The following GRID1 variants were observed in gnomAD, a reference collection of about 807,000 sequenced individuals.
GRID1 encodes glutamate receptor ionotropic, delta-1.
A neutral mutation model predicts 98.0 loss-of-function variants in GRID1; 28 were observed. The ratio of observed to expected loss-of-function variants is 0.29; its 90% CI spans 0.21 to 0.39. The LOEUF (loss-of-function observed/expected upper bound fraction) is 0.39, where lower values mean the gene tolerates loss of function less well. Among genes scored for constraint, GRID1 ranks in the 10% least tolerant of loss-of-function variants. GRID1 has a pLI of 1.00. For missense variants in GRID1, 1,111 were observed against 1,340.5 expected (o/e 0.83, Z 2.67); for synonymous variants, 553 against 538.5 (o/e 1.03, Z -0.37).
chr10:85,667,760 A>G (rs976009507), intron 12 of GRID1, among the ~76,000 whole-genome samples: 16 of 151,486 alleles, frequency 1.1e-4, no homozygotes, highest in African/African-American at 3.9e-4. Flanking sequence ...TTGTGAGTGA[A>G]TGAGTGGATG....
At chr10:86,245,033 G>A (rs1226178146) in intron 2 of GRID1, among the ~76,000 whole-genome samples, 1 of 152,218 alleles carries the variant, frequency 6.6e-6, no homozygotes, top group East Asian at 1.9e-4. Flanking sequence ...TTAGACCCCT[G>A]TCGCACTGAT....
chr10:86,364,171 G>T, intron 1 of GRID1, 75 bp from the exon 2 acceptor site: 1 of 1,284,152 alleles, frequency 7.8e-7, no homozygotes. Context: ...GAGGGTCAAG[G>T]CACTCGCAGA....
intron 5 of GRID1, among the ~76,000 whole-genome samples, chr10:85,915,240 A>G (rs1056772043): frequency 1.3e-5 from 2 of 152,152 alleles, no homozygotes; most frequent in African/African-American, 2.4e-5. Context: ...ACACACATGC[A>G]CATACAACCC....
At chr10:85,741,439 G>C (rs1841942186) in intron 8 of GRID1, among the ~76,000 whole-genome samples, 1 of 152,036 alleles carries the variant, frequency 6.6e-6, no homozygotes, top group African/African-American at 2.4e-5. Context: ...AGTGGGCCAG[G>C]AGCATTGCAG....
chr10:85,988,916 A>AT (rs1403331522), intron 4 of GRID1, among the ~76,000 whole-genome samples: 1 of 152,248 alleles, frequency 6.6e-6, no homozygotes, highest in Admixed American at 6.5e-5. Flanking sequence ...TAGAAAGAGG[A>AT]GGCAGGGCAC....
chr10:85,677,655 A>G (rs1841159714), intron 12 of GRID1, among the ~76,000 whole-genome samples: 1 of 152,224 alleles, frequency 6.6e-6, no homozygotes, highest in Admixed American at 6.5e-5. Context: ...TTGTACTCTC[A>G]ATACTTTTCT....
At chr10:86,128,289 A>G (rs1844783259) in intron 4 of GRID1, among the ~76,000 whole-genome samples, 1 of 152,096 alleles carries the variant, frequency 6.6e-6, no homozygotes. Context: ...TCCCTGGGGT[A>G]GGAAACCCTC....
At chr10:86,186,186 G>A (rs1019623984) in intron 3 of GRID1, among the ~76,000 whole-genome samples, 1 of 152,106 alleles carries the variant, frequency 6.6e-6, no homozygotes, top group African/African-American at 2.4e-5. Flanking sequence ...CAGCTTAGTT[G>A]TCAAATGTGT....
intron 2 of GRID1, among the ~76,000 whole-genome samples, chr10:86,284,390 A>G (rs980560270): frequency 6.6e-6 from 1 of 152,196 alleles, no homozygotes; most frequent in African/African-American, 2.4e-5. Context: ...CCTCCTAATC[A>G]GGCTCTGATT....
chr10:85,891,615 C>A (rs1009354064), intron 5 of GRID1, among the ~76,000 whole-genome samples: 1 of 152,088 alleles, frequency 6.6e-6, no homozygotes, highest in Non-Finnish European at 1.5e-5. Flanking sequence ...GGGAAAGGAC[C>A]ATCTGAAAGG....
chr10:85,823,589 A>C (rs1842792590), intron 8 of GRID1, among the ~76,000 whole-genome samples: 1 of 152,090 alleles, frequency 6.6e-6, no homozygotes, highest in Non-Finnish European at 1.5e-5. Context: ...TTAAATACAA[A>C]CTGAGAATTG....
intron 4 of GRID1, among the ~76,000 whole-genome samples, chr10:85,937,514 G>A (rs1034524225): frequency 3.3e-5 from 5 of 152,190 alleles, no homozygotes; most frequent in African/African-American, 1.2e-4. Context: ...TCAGTCTTAT[G>A]TTCTGCTCAG....
chr10:85,664,780 AG>A (rs1841001714), intron 12 of GRID1, among the ~76,000 whole-genome samples: 1 of 152,164 alleles, frequency 6.6e-6, no homozygotes, highest in Non-Finnish European at 1.5e-5. Flanking sequence ...TGTTTTATTG[AG>A]TGATGTATGT....
At chr10:85,753,707 T>C (rs1298381345) in intron 8 of GRID1, among the ~76,000 whole-genome samples, 1 of 152,144 alleles carries the variant, frequency 6.6e-6, no homozygotes, top group African/African-American at 2.4e-5. Context: ...TCCTGATAGG[T>C]GTAGGGCAGA....
At chr10:86,296,784 CACATACAT>C (rs3061904) in intron 2 of GRID1, among the ~76,000 whole-genome samples, 79,729 of 150,540 alleles carry the variant, frequency 0.53, 23,160 homozygotes, top group Non-Finnish European at 0.64. Context: ...CATACATACA[CACATACAT>C]ACATACATAC....
intron 6 of GRID1, among the ~76,000 whole-genome samples, chr10:85,865,164 CA>C (rs1321204654): frequency 1.3e-5 from 2 of 152,058 alleles, no homozygotes; most frequent in African/African-American, 4.8e-5. Context: ...GTCAAGGAAA[CA>C]AGAATCAAAA....
chr10:85,983,244 GCTGGTTGGCCCTGGAC>G (rs1399614376), intron 4 of GRID1, among the ~76,000 whole-genome samples: 14 of 152,326 alleles, frequency 9.2e-5, no homozygotes, highest in African/African-American at 3.4e-4. Context: ...TGTCACACGT[GCTGGTTGGCCCTGGAC>G]CTGGTATAAG....
chr10:86,366,330 G>A lies in GRID1; in HGVS notation c.63C>T (p.Asp21=), dbSNP rs1848679083. The change falls in exon 1 of 16, where the codon GAC becomes GAT. Residue 21 remains aspartate (D), a synonymous_variant. Transcript: ENST00000327946. The surrounding 1 kb of genome is among the most constrained non-coding windows in gnomAD (Gnocchi z 4.1). ...CGCGCTTACCGATGTGGATGATGGA[G>A]TCGGCCCGCACCGACACGCACTGGC... The part of the protein sequence containing the change: ...WICQCVSVRA[D]SIIHIGAIFE... 6 of 1,511,750 alleles carry A rather than the reference G, an allele frequency of 4.0e-6. No homozygotes were observed. The South Asian group carries it at 7.4e-5, about 19-fold the overall frequency. The allele number at this position is 1,511,750 out of a possible 1,614,324, so 93.6% of individuals were successfully genotyped here.
At chr10:86,042,675 C>T (rs1564657725) in intron 4 of GRID1, among the ~76,000 whole-genome samples, 1 of 152,156 alleles carries the variant, frequency 6.6e-6, no homozygotes, top group South Asian at 2.1e-4. Context: ...GAGGTGGTGG[C>T]CCTGCCCTTG....
Sources: allele counts gnomAD v4.1 joint callset (sites outside exome capture counted in the v4.1 genomes callset), GRCh38; gene constraint gnomAD v4.1.1; non-coding constraint Gnocchi (gnomAD v3.1); transcripts MANE v1.5; gene names NCBI Gene and HGNC (gene_info 2026-07-23, HGNC 2026-07-21).